TJP1: variants seen among roughly 807,000 people sequenced by gnomAD.
TJP1 encodes the protein tight junction protein ZO-1.
Under a neutral mutation model 194.2 loss-of-function variants are expected in TJP1, and 43 were observed. The observed-to-expected ratio is 0.22, with a 90% CI of 0.17 to 0.29. The LOEUF (loss-of-function observed/expected upper bound fraction) is 0.29, where lower values mean the gene tolerates loss of function less well. TJP1 is among the 10% of genes least tolerant of loss of function. The pLI, the probability that TJP1 is intolerant of heterozygous loss-of-function variation, is 1.00. For synonymous variants in TJP1, 801 were observed against 779.0 expected, an observed-to-expected ratio of 1.03 and a Z score of -0.47; for missense variants, 1,971 against 2,185.7, an observed-to-expected ratio of 0.90 and a Z score of 1.96.
chr15:29,966,595 T>C (rs1043515551), intron 1 of TJP1, among the ~76,000 whole-genome samples: 2 of 152,132 alleles, frequency 1.3e-5, no homozygotes, highest in African/African-American at 4.8e-5. Flanking sequence ...TCACAAATTA[T>C]TAAGAATCCA....
At chr15:29,949,444 C>G (rs2055471443) in intron 2 of TJP1, among the ~76,000 whole-genome samples, 1 of 145,546 alleles carries the variant, frequency 6.9e-6, no homozygotes, top group Non-Finnish European at 1.5e-5. Context: ...CCTCCACCTC[C>G]ACCTTCACCA....
chr15:29,842,532 C>A (rs569015339), intron 2 of TJP1, among the ~76,000 whole-genome samples: 2 of 152,246 alleles, frequency 1.3e-5, no homozygotes, highest in South Asian at 4.1e-4. Context: ...CACGGCTTTG[C>A]AATGTGGGAG....
chr15:29,718,917 T>A lies in TJP1; in HGVS notation c.3225A>T (p.Glu1075Asp). The A allele has an allele frequency of 6.2e-7, 1 of 1,614,188 alleles. No individual in the cohort carries two copies. Among genetic ancestry groups the A allele is most frequent in the Non-Finnish European group, 8.5e-7 (1 of 1,180,030 alleles). ...SYTDQFSRNY[E>D]HRLRYEDRVP... ...CGCGATCTTCGTATCGCAGACGATG[T>A]TCATAGTTTCGAGAAAACTGGTCCG... The change falls in exon 21 of 28, where the codon GAA becomes GAT. Residue 1075 changes from glutamate (E) to aspartate (D), a missense_variant. By Grantham distance (45) the Glu-to-Asp change is conservative. Coordinates refer to ENST00000614355, the MANE Select transcript of TJP1 (RefSeq NM_001330239.4).
At chr15:29,865,945 C>T (rs1195814337) in intron 2 of TJP1, among the ~76,000 whole-genome samples, 1 of 152,180 alleles carries the variant, frequency 6.6e-6, no homozygotes, top group Non-Finnish European at 1.5e-5. Flanking sequence ...ACAGGGAACA[C>T]AAGCTATTTA....
chr15:29,807,435 T>C (rs1011756740), intron 1 of TJP1, among the ~76,000 whole-genome samples: 1 of 152,218 alleles, frequency 6.6e-6, no homozygotes, highest in African/African-American at 2.4e-5. Flanking sequence ...TTTTTAGGTA[T>C]AGCATCTTCT....
At chr15:29,921,767 C>A (rs762769381) in intron 2 of TJP1, among the ~76,000 whole-genome samples, 28 of 152,050 alleles carry the variant, frequency 1.8e-4, no homozygotes, top group Admixed American at 7.2e-4. Context: ...TATAATGAAC[C>A]CACATATACC....
At chr15:29,809,571 C>T (rs113781594) in intron 1 of TJP1, among the ~76,000 whole-genome samples, 3 of 152,102 alleles carry the variant, frequency 2.0e-5, no homozygotes, top group Admixed American at 2.0e-4. Context: ...CATGGCTGGG[C>T]GCGGTGGCTC....
intron 2 of TJP1, among the ~76,000 whole-genome samples, chr15:29,844,898 A>C (rs762777263): frequency 6.6e-6 from 1 of 152,042 alleles, no homozygotes; most frequent in Non-Finnish European, 1.5e-5. Flanking sequence ...AAGAGATCCA[A>C]GACCAGGCTT....
At chr15:29,705,174 C>G (rs2041814885) in intron 26 of TJP1, among the ~76,000 whole-genome samples, 1 of 152,192 alleles carries the variant, frequency 6.6e-6, no homozygotes. Flanking sequence ...ACAGCAAAGC[C>G]TTTCTGAGTG....
rs759646514 is a variant in TJP1, at chr15:29,718,733, G to A, written c.3409C>T (p.Pro1137Ser). The A allele has an allele frequency of 1.2e-6, 2 of 1,614,128 alleles. No homozygotes were observed. Among genetic ancestry groups the A allele is most frequent in the South Asian group, 1.1e-5 (1 of 91,080 alleles). Reference protein sequence around the residue: ...GYFPRFEEPAPLSYDSRPRYE... With the variant: ...GYFPRFEEPASLSYDSRPRYE... ...CGTGGTCTGCTGTCGTAAGACAGAG[G>A]GGCTGGCTCTTCAAAACGTGGAAAG... Residue 1137 changes from proline to serine, a missense_variant, in exon 21 of 28, where the codon CCT becomes TCT. Pro to Ser is a moderately conservative substitution (Grantham distance 74). This residue lies in a region of TJP1 where 1,108 missense variants were observed against 1,128.5 expected (regional missense o/e 0.98). Coordinates refer to ENST00000614355, the MANE Select transcript of TJP1 (RefSeq NM_001330239.4).
Position 29,705,744 on chromosome 15 carries a change from G to A in TJP1, c.4852C>T (p.Pro1618Ser). The change falls in exon 26 of 28, where the codon CCT becomes TCT. Residue 1618 changes from proline to serine, a missense_variant and splice_region_variant. Coordinates refer to ENST00000614355, the MANE Select transcript of TJP1 (RefSeq NM_001330239.4). The part of the protein sequence containing the change: ...STVPKAIPVS[P>S]SAVEEDEDED... ...TCTTCATCCTCTTCCACAGCTGAAG[G>A]ACTGAAAGTTCAGAAATGGCTAGTG... 1.2e-6 allele frequency: 2 copies of A among 1,613,992 alleles called. No homozygotes were observed. The highest frequency in any genetic ancestry group is 2.2e-5 in the South Asian group (2 of 91,070).
intron 8 of TJP1, among the ~76,000 whole-genome samples, chr15:29,757,862 C>T (rs2151494804): frequency 6.6e-6 from 1 of 152,312 alleles, no homozygotes; most frequent in East Asian, 1.9e-4. Flanking sequence ...TGTGGGTCCA[C>T]TTACACTCGA....
At chr15:29,881,958 T>G (rs889527930) in intron 2 of TJP1, among the ~76,000 whole-genome samples, 1 of 151,516 alleles carries the variant, frequency 6.6e-6, no homozygotes, top group Non-Finnish European at 1.5e-5. Context: ...TATATATAGA[T>G]ATATATATTT....
chr15:29,954,323 AC>A (rs1477807690), intron 2 of TJP1, among the ~76,000 whole-genome samples: 1 of 152,172 alleles, frequency 6.6e-6, no homozygotes, highest in Non-Finnish European at 1.5e-5. Flanking sequence ...TAACCTCTCC[AC>A]CAACCAGAAT....
chr15:29,808,019 G>C (rs1481644535), intron 1 of TJP1, among the ~76,000 whole-genome samples: 1 of 152,186 alleles, frequency 6.6e-6, no homozygotes, highest in Admixed American at 6.5e-5. Context: ...TGTAATCCCA[G>C]CACTTTTGGA....
intron 1 of TJP1, among the ~76,000 whole-genome samples, chr15:29,958,124 T>G (rs1464107338): frequency 2.0e-5 from 3 of 152,198 alleles, no homozygotes; most frequent in South Asian, 4.1e-4. Context: ...CATATCTTCT[T>G]AGGGATTTAA....
At chr15:29,853,808 A>G (rs2051737897) in intron 2 of TJP1, among the ~76,000 whole-genome samples, 1 of 152,334 alleles carries the variant, frequency 6.6e-6, no homozygotes, top group East Asian at 1.9e-4. Context: ...CCTGAAGGCA[A>G]TTTCCTGGTA....
intron 2 of TJP1, among the ~76,000 whole-genome samples, chr15:29,950,346 C>A (rs979886767): frequency 6.6e-6 from 1 of 151,784 alleles, no homozygotes; most frequent in Admixed American, 6.6e-5. Context: ...GCCACCACCA[C>A]CACCTCCATT....
At chr15:29,879,013 A>T (rs1223265371) in intron 2 of TJP1, among the ~76,000 whole-genome samples, 1 of 151,796 alleles carries the variant, frequency 6.6e-6, no homozygotes, top group African/African-American at 2.4e-5. Flanking sequence ...GTCCCCAGCT[A>T]CTCGGGAGGC....
Sources: gnomAD v4.1 joint callset for allele counts (sites outside exome capture counted in the v4.1 genomes callset) on GRCh38, gnomAD v4.1.1 for gene constraint, gnomAD v4.1.1 regional missense constraint, MANE v1.5 for transcripts, NCBI Gene and HGNC (gene_info 2026-07-23, HGNC 2026-07-21) for gene names.